Variants in PAM observed in about 807,000 individuals in gnomAD.
PAM encodes the protein peptidylglycine alpha-amidating monooxygenase.
In PAM, 72 loss-of-function variants were observed where a neutral mutation model predicts 122.1. The ratio of observed to expected loss-of-function variants is 0.59; its 90% confidence interval spans 0.49 to 0.72. The LOEUF is 0.72. Ranked by LOEUF, PAM falls within the 30% of genes least tolerant of loss-of-function variation. The pLI, the probability that PAM is intolerant of heterozygous loss-of-function variation, is 0.00. For synonymous variants in PAM, 389 were observed against 404.4 expected (o/e 0.96, Z 0.46); for missense variants, 1,106 against 1,183.7 (o/e 0.93, Z 0.96).
At chr5:103,018,022 C>G (rs550062755) in intron 22 of PAM, among the ~76,000 whole-genome samples, 1 of 152,258 alleles carries the variant, frequency 6.6e-6, no homozygotes, top group South Asian at 2.1e-4. Flanking sequence ...GGAATTTGGA[C>G]ATCATTTTCA....
At chr5:102,824,791 T>C in intron 1 of PAM, among the ~76,000 whole-genome samples, 1 of 152,058 alleles carries the variant, frequency 6.6e-6, no homozygotes, top group Non-Finnish European at 1.5e-5. Flanking sequence ...ACTTAAAAAA[T>C]TCACAAGCTC....
chr5:102,900,251 G>GT (rs1418841667), intron 3 of PAM, among the ~76,000 whole-genome samples: 2 of 125,220 alleles, frequency 1.6e-5, no homozygotes, highest in Non-Finnish European at 3.3e-5. Flanking sequence ...TAATGTGTGT[G>GT]TGTGGGGGGG....
At chr5:102,958,744 TC>T (rs1033882574) in intron 12 of PAM, among the ~76,000 whole-genome samples, 39 of 152,282 alleles carry the variant, frequency 2.6e-4, no homozygotes, top group Admixed American at 3.9e-4. Context: ...AGAAATCAAA[TC>T]CCTGTTTGAA....
rs896532240 is a variant in PAM, at chr5:102,936,860, C to T, written c.527-9977C>T. 4.9e-4 allele frequency among the ~76,000 whole-genome samples: 75 copies of T among 152,160 alleles called. 1 individual carries two copies. The highest frequency in any genetic ancestry group is 4.3e-3 in the Admixed American group (65 of 15,246). On this transcript the variant is annotated intron_variant, in intron 7 of 25. Coordinates refer to ENST00000438793, the MANE Select transcript of PAM (RefSeq NM_001177306.2). Reference sequence around the variant, plus strand: ...ATGCAAACTAAACTTTGACAACTGGCGCTCAAATTTTCCTAGCAAGGATTA... The same window carrying T: ...ATGCAAACTAAACTTTGACAACTGGTGCTCAAATTTTCCTAGCAAGGATTA...
At chr5:102,958,600 G>A (rs1454392875) in intron 12 of PAM, among the ~76,000 whole-genome samples, 2 of 152,092 alleles carry the variant, frequency 1.3e-5, no homozygotes, top group Non-Finnish European at 2.9e-5. Context: ...TATTTCACGG[G>A]AGAGGCAATT....
At chr5:102,780,751 TTCTCTTTCTTTC>T (rs1758541325) in intron 1 of PAM, among the ~76,000 whole-genome samples, 2 of 139,930 alleles carry the variant, frequency 1.4e-5, no homozygotes, top group Non-Finnish European at 3.1e-5. Context: ...TTTTCTTTCT[TTCTCTTTCTTTC>T]TTTCTTTCTT....
intron 18 of PAM, among the ~76,000 whole-genome samples, chr5:103,006,062 G>A (rs1261915223): frequency 2.0e-5 from 3 of 151,976 alleles, no homozygotes; most frequent in South Asian, 2.1e-4. Context: ...AGCCTCCCAA[G>A]TAGCTGGGAC....
chr5:102,819,301 C>T (rs1313261140), intron 1 of PAM, among the ~76,000 whole-genome samples: 1 of 152,036 alleles, frequency 6.6e-6, no homozygotes, highest in Admixed American at 6.6e-5. Context: ...AGAACAACAA[C>T]AATGAAACAA....
At chr5:102,898,855 A>T (rs556031710) in intron 3 of PAM, among the ~76,000 whole-genome samples, 1 of 151,780 alleles carries the variant, frequency 6.6e-6, no homozygotes, top group Admixed American at 6.6e-5. Flanking sequence ...CCTGGTACAA[A>T]TTTCATTTCA....
At chr5:102,901,167 T>C (rs1028533270) in intron 3 of PAM, among the ~76,000 whole-genome samples, 189 bp from the exon 4 acceptor site, 8 of 151,368 alleles carry the variant, frequency 5.3e-5, no homozygotes, top group Admixed American at 5.3e-4. Flanking sequence ...TAGGAAAGAG[T>C]CTTAGACAAA....
At chr5:102,844,203 A>G (rs536916316) in intron 1 of PAM, among the ~76,000 whole-genome samples, 1 of 152,338 alleles carries the variant, frequency 6.6e-6, no homozygotes, top group South Asian at 2.1e-4. Flanking sequence ...AGCCAATCTC[A>G]GATTACGCAC....
chr5:102,920,630 G>C (rs1283596117), intron 5 of PAM, among the ~76,000 whole-genome samples: 1 of 152,090 alleles, frequency 6.6e-6, no homozygotes, highest in African/African-American at 2.4e-5. Flanking sequence ...CATACTGAAT[G>C]CATTTTGAAA....
intron 1 of PAM, among the ~76,000 whole-genome samples, chr5:102,822,127 C>T (rs1425194705): frequency 2.6e-5 from 4 of 152,158 alleles, no homozygotes; most frequent in African/African-American, 7.2e-5. Context: ...TACCAACATG[C>T]AGATAAAAAC....
rs114257621 is a variant in PAM at position 102,858,097 on chromosome 5, G to A, written c.-373-7726G>A. On this transcript the variant is annotated intron_variant, in intron 1 of 25. Coordinates refer to ENST00000438793, the MANE Select transcript of PAM (RefSeq NM_001177306.2). ...ATAAGAATTCAGCAAGATTATACAC[G>A]CAAAATCAGTGCTGGCATATGAGTC... 2.2e-3 allele frequency among the ~76,000 whole-genome samples: 329 copies of A among 152,224 alleles called. 1 individual carries two copies. The highest frequency in any genetic ancestry group is 7.5e-3 in the African/African-American group (311 of 41,526).
intron 19 of PAM, 72 bp downstream of exon 19, chr5:103,007,083 C>A: frequency 9.0e-7 from 1 of 1,106,992 alleles, no homozygotes; most frequent in African/African-American, 1.6e-5. Flanking sequence ...TATTGGCCAA[C>A]ACTCACATTC....
chr5:102,952,111 G>C (rs895112594), intron 12 of PAM, among the ~76,000 whole-genome samples: 10 of 152,054 alleles, frequency 6.6e-5, no homozygotes, highest in Admixed American at 6.6e-4. Flanking sequence ...TAAGTAAATA[G>C]AGCAGTAAAA....
intron 3 of PAM, among the ~76,000 whole-genome samples, chr5:102,899,286 A>G (rs1797016764): frequency 1.3e-5 from 2 of 151,682 alleles, no homozygotes; most frequent in African/African-American, 2.4e-5. Context: ...CTGATGAATT[A>G]TAAGTATAAA....
intron 3 of PAM, among the ~76,000 whole-genome samples, chr5:102,892,719 G>T (rs1025921728): frequency 6.6e-6 from 1 of 151,760 alleles, no homozygotes; most frequent in Non-Finnish European, 1.5e-5. Context: ...TCTGCTAATA[G>T]TTGCCATGAG....
chr5:102,864,085 C>G (rs1339818902), intron 1 of PAM, among the ~76,000 whole-genome samples: 1 of 149,790 alleles, frequency 6.7e-6, no homozygotes, highest in Non-Finnish European at 1.5e-5. Context: ...TGTGTAATAC[C>G]AAATCTCCTT....
Sources: gnomAD v4.1 joint callset for allele counts (sites outside exome capture counted in the v4.1 genomes callset) on GRCh38, gnomAD v4.1.1 for gene constraint, MANE v1.5 for transcripts, NCBI Gene and HGNC (gene_info 2026-07-23, HGNC 2026-07-21) for gene names.